HECW2: variants seen among roughly 807,000 people sequenced by gnomAD.
HECW2 encodes the protein HECT, C2 and WW domain containing E3 ubiquitin protein ligase 2.
Under a neutral mutation model 175.2 loss-of-function variants are expected in HECW2, and 61 were observed. That is an observed-to-expected ratio of 0.35 (90% CI 0.28 to 0.43). HECW2 has a LOEUF of 0.43. Among genes scored for constraint, HECW2 ranks in the 20% least tolerant of loss-of-function variants. HECW2 has a pLI of 1.00. For synonymous variants in HECW2, 671 were observed against 731.0 expected, an observed-to-expected ratio of 0.92 and a Z score of 1.32; for missense variants, 1,524 against 2,000.5, an observed-to-expected ratio of 0.76 and a Z score of 4.54.
intron 1 of HECW2, among the ~76,000 whole-genome samples, chr2:196,499,215 G>A (rs1308217329): frequency 2.0e-5 from 3 of 151,824 alleles, no homozygotes; most frequent in Non-Finnish European, 4.4e-5. Context: ...AGAACCCATT[G>A]GGCTGTAACA....
chr2:196,237,612 G>A (rs1419435318), intron 21 of HECW2, among the ~76,000 whole-genome samples: 5 of 152,008 alleles, frequency 3.3e-5, no homozygotes, highest in African/African-American at 1.2e-4. Flanking sequence ...TTTTGGGCTG[G>A]TTCCATATTT....
Position 196,201,147 on chromosome 2 carries a change from C to G in HECW2, c.*130G>C. Reference sequence around the variant, plus strand: ...CCCCAAATGTGACAGAGCACTTGTTCCTGGAAAACAACAGCACATAGCTTT... The same window carrying G: ...CCCCAAATGTGACAGAGCACTTGTTGCTGGAAAACAACAGCACATAGCTTT... On this transcript the variant is annotated 3_prime_UTR_variant, in exon 29 of 29. Transcript: ENST00000644978. The G allele has an allele frequency of 1.5e-6, 1 of 664,998 alleles. No individual in the cohort carries two copies. Among genetic ancestry groups the G allele is most frequent in the Non-Finnish European group, 2.7e-6 (1 of 365,130 alleles). The allele number at this position is 664,998 out of a possible 1,614,324, so 41.2% of individuals were successfully genotyped here.
At chr2:196,450,149 G>A (rs1014765128) in intron 1 of HECW2, among the ~76,000 whole-genome samples, 4 of 152,114 alleles carry the variant, frequency 2.6e-5, no homozygotes, top group South Asian at 2.1e-4. Context: ...CCCTTTTTGC[G>A]TTGCAGAGTT....
intron 11 of HECW2, 72 bp from the exon 12 acceptor site, chr2:196,307,305 T>A: frequency 9.6e-7 from 1 of 1,038,070 alleles, no homozygotes; most frequent in Non-Finnish European, 1.5e-6. Context: ...CCCAAGAGTC[T>A]AGAACTTTTC....
intron 1 of HECW2, among the ~76,000 whole-genome samples, chr2:196,492,240 C>T (rs1362559263): frequency 6.6e-6 from 1 of 152,192 alleles, no homozygotes. Context: ...GGGGACGCCA[C>T]AGTGAGCAAA....
chr2:196,280,447 A>G (rs967923007), intron 14 of HECW2, among the ~76,000 whole-genome samples: 1 of 152,214 alleles, frequency 6.6e-6, no homozygotes, highest in African/African-American at 2.4e-5. Context: ...TATAGAAAAC[A>G]TTTTTACATC....
chr2:196,535,824 G>A (rs773503019), intron 1 of HECW2, among the ~76,000 whole-genome samples: 9 of 152,086 alleles, frequency 5.9e-5, no homozygotes, highest in Non-Finnish European at 1.2e-4. Flanking sequence ...GTCCCTTCAC[G>A]TTTGTCTAGA....
intron 1 of HECW2, among the ~76,000 whole-genome samples, chr2:196,517,450 T>A (rs1688190998): frequency 6.6e-6 from 1 of 152,168 alleles, no homozygotes; most frequent in South Asian, 2.1e-4. Context: ...TATATAAAAA[T>A]TTTATTACAA....
intron 5 of HECW2, among the ~76,000 whole-genome samples, chr2:196,325,657 G>T (rs936422236): frequency 6.6e-6 from 1 of 152,132 alleles, no homozygotes; most frequent in Non-Finnish European, 1.5e-5. Flanking sequence ...CATATACATA[G>T]AACTAAGTTT....
chr2:196,405,735 T>G (rs1027118439), intron 2 of HECW2, among the ~76,000 whole-genome samples: 1 of 152,200 alleles, frequency 6.6e-6, no homozygotes, highest in African/African-American at 2.4e-5. Context: ...AATTCTCCAG[T>G]AGGCATTCCC....
Position 196,209,969 on chromosome 2 carries a change from T to C in HECW2, c.4607+5896A>G, listed in dbSNP as rs533084495. On this transcript the variant is annotated intron_variant, in intron 28 of 28. Coordinates refer to ENST00000644978, the MANE Select transcript of HECW2 (RefSeq NM_001348768.2). ...TAGTAGAGACGGGGTTTCACCATGT[T>C]AGCCAGGATGGTCTCCATCTCCTGA... Among the ~76,000 whole-genome samples the C allele has an allele frequency of 1.1e-3, 173 of 152,248 alleles. 7 individuals are homozygous for C. The South Asian group carries it at 0.032, about 28-fold the overall frequency.
At chr2:196,334,540 CAG>C (rs754285990) in intron 3 of HECW2, 22 bp from the exon 4 acceptor site, 1 of 1,541,686 alleles carries the variant, frequency 6.5e-7, no homozygotes, top group Non-Finnish European at 8.8e-7. Context: ...TTGGAGAAAA[CAG>C]TAATTTAAAC....
chr2:196,522,640 T>C (rs1221250534), intron 1 of HECW2, among the ~76,000 whole-genome samples: 5 of 152,036 alleles, frequency 3.3e-5, no homozygotes, highest in Non-Finnish European at 7.4e-5. Context: ...TAATCCATCT[T>C]GAATTGATTT....
At position 196,333,401 on chromosome 2, in the gene HECW2, C is replaced by T. The variant is rs190416743; in HGVS notation, c.495+1023G>A. On this transcript the variant is annotated intron_variant, in intron 4 of 28. Coordinates refer to ENST00000644978, the MANE Select transcript of HECW2 (RefSeq NM_001348768.2). ...TAGGTACAAGCACTATCAGAGACAG[C>T]ATAGGGTGAGTCTGAACAATTTCAA... Among the ~76,000 whole-genome samples, 594 of 152,244 alleles carry T rather than the reference C, an allele frequency of 3.9e-3. 6 individuals are homozygous for T. Among genetic ancestry groups the T allele is most frequent in the African/African-American group, 0.014 (568 of 41,530 alleles).
At chr2:196,219,783 C>T (rs778754080) in intron 26 of HECW2, among the ~76,000 whole-genome samples, 7 of 152,206 alleles carry the variant, frequency 4.6e-5, no homozygotes, top group African/African-American at 1.2e-4. Context: ...AGTGTTCTTA[C>T]GGTCACATTT....
chr2:196,208,313 G>T (rs968265867), intron 28 of HECW2, among the ~76,000 whole-genome samples: 2 of 152,186 alleles, frequency 1.3e-5, no homozygotes, highest in Admixed American at 1.3e-4. Context: ...TGAAAGTCTG[G>T]ATTATGATTT....
chr2:196,282,334 T>C (rs965026003), intron 14 of HECW2, among the ~76,000 whole-genome samples: 2 of 152,164 alleles, frequency 1.3e-5, no homozygotes, highest in African/African-American at 4.8e-5. Flanking sequence ...ATGGTGATTG[T>C]TGAGGAAAAG....
chr2:196,557,809 G>A (rs181564245), intron 1 of HECW2, among the ~76,000 whole-genome samples: 1 of 152,280 alleles, frequency 6.6e-6, no homozygotes, highest in East Asian at 1.9e-4. Flanking sequence ...AGGCTGGGAA[G>A]ATGTACTAAA....
intron 2 of HECW2, among the ~76,000 whole-genome samples, chr2:196,382,663 G>T (rs1009221668): frequency 1.3e-5 from 2 of 152,142 alleles, no homozygotes; most frequent in African/African-American, 4.8e-5. Flanking sequence ...TGTATTCTCT[G>T]TCTTGTAGCA....
Sources: gnomAD v4.1 joint callset for allele counts (sites outside exome capture counted in the v4.1 genomes callset) on GRCh38, gnomAD v4.1.1 for gene constraint, MANE v1.5 for transcripts, NCBI Gene and HGNC (gene_info 2026-07-23, HGNC 2026-07-21) for gene names.